Variants in RAE1 observed in about 807,000 individuals in gnomAD.
RAE1 encodes ribonucleic acid export 1, also known as mRNA export factor RAE1.
A neutral mutation model predicts 52.7 loss-of-function variants in RAE1; 13 were observed. That is an observed-to-expected ratio of 0.25 (90% CI 0.16 to 0.39). The LOEUF is 0.39. Ranked by LOEUF, RAE1 falls within the 10% of genes least tolerant of loss-of-function variation. The probability of loss-of-function intolerance (pLI) is 1.00; values close to 1 mark genes in which losing one functional copy is unlikely to be tolerated. For synonymous variants in RAE1, 164 were observed against 153.1 expected, an observed-to-expected ratio of 1.07 and a Z score of -0.52; for missense variants, 262 against 459.8, an observed-to-expected ratio of 0.57 and a Z score of 3.93.
intron 11 of RAE1, 66 bp from the exon 12 acceptor site, chr20:57,377,947 A>G (rs1302577082): frequency 8.1e-7 from 1 of 1,235,588 alleles, no homozygotes; most frequent in Non-Finnish European, 1.2e-6. Flanking sequence ...TCACCTAGAA[A>G]AAGCACCTAC....
chr20:57,360,036 TG>T, intron 4 of RAE1: 1 of 152,374 alleles, frequency 6.6e-6, no homozygotes, highest in Non-Finnish European at 1.5e-5. Context: ...GTAAGCCGGA[TG>T]CTTTGGGTTA....
At chr20:57,354,960 C>A in intron 3 of RAE1, 144 bp downstream of exon 3, 1 of 568,500 alleles carries the variant, frequency 1.8e-6, no homozygotes, top group Non-Finnish European at 2.9e-6. Flanking sequence ...GGGGTGTGAA[C>A]CCTTCTGAAT....
intron 4 of RAE1, among the ~76,000 whole-genome samples, chr20:57,364,238 A>T (rs1307143224): frequency 6.6e-6 from 1 of 152,212 alleles, no homozygotes; most frequent in African/African-American, 2.4e-5. Flanking sequence ...GCATTCACAC[A>T]TACTCTTTCT....
At chr20:57,369,477 G>A (rs2067003872) in intron 8 of RAE1, among the ~76,000 whole-genome samples, 1 of 152,136 alleles carries the variant, frequency 6.6e-6, no homozygotes. Context: ...CATCAATGCC[G>A]ATTTTCTCTG....
rs747578934 is a variant in RAE1, at chr20:57,373,440, G to C, written c.643-35G>C. ...CGTTAGTCATGAAATCTTATATTAT[G>C]CTGTGATTATGTCTCTTTTTTATTT... On this transcript the variant is annotated intron_variant, in intron 8 of 11. Coordinates refer to ENST00000395841, the MANE Select transcript of RAE1 (RefSeq NM_003610.4). The C allele has an allele frequency of 1.9e-6, 3 of 1,578,900 alleles. No homozygotes were observed. In the South Asian group the frequency reaches 3.4e-5, roughly 18 times the overall value.
chr20:57,365,236 A>G, intron 4 of RAE1, 120 bp from the exon 5 acceptor site: 1 of 635,722 alleles, frequency 1.6e-6, no homozygotes, highest in Non-Finnish European at 2.6e-6. Flanking sequence ...GTCCCCAAAC[A>G]ATTGGAAAAA....
At chr20:57,354,437 CTG>C (rs778191193) in intron 2 of RAE1, among the ~76,000 whole-genome samples, 3 of 152,202 alleles carry the variant, frequency 2.0e-5, no homozygotes, top group African/African-American at 4.8e-5. Flanking sequence ...CAGGTGAAAA[CTG>C]TGATCTAGCA....
rs926726597 is a variant in RAE1, at chr20:57,365,495, A to G, written c.375+53A>G. The G allele has an allele frequency of 1.3e-5, 16 of 1,252,070 alleles. No individual in the cohort carries two copies. The African/African-American group carries it at 1.7e-4, about 13-fold the overall frequency. The allele number at this position is 1,252,070 out of a possible 1,614,324, so 77.6% of individuals were successfully genotyped here. On this transcript the variant is annotated intron_variant, in intron 5 of 11. Coordinates refer to ENST00000395841, the MANE Select transcript of RAE1 (RefSeq NM_003610.4). The stretch of plus-strand genomic sequence containing the variant: ...GGCACAACTGGTACCCAGGACTGTG[A>G]TGGCTCTTTAAGTGAAATAATTATT...
Position 57,378,142 on chromosome 20 carries a change from C to G in RAE1, c.*43C>G. 6.7e-7 allele frequency: 1 copy of G among 1,482,234 alleles called. No individual in the cohort carries two copies. The highest frequency in any genetic ancestry group is 9.3e-7 in the Non-Finnish European group (1 of 1,076,664). The allele number at this position is 1,482,234 out of a possible 1,614,324, so 91.8% of individuals were successfully genotyped here. Reference sequence around the variant, plus strand: ...TCAGCCAGAGTTGTTTCTCTCCACTCTGCCTCATCTCTGTACGAATTTGGG... The same window carrying G: ...TCAGCCAGAGTTGTTTCTCTCCACTGTGCCTCATCTCTGTACGAATTTGGG... On this transcript the variant is annotated 3_prime_UTR_variant, in exon 12 of 12. Transcript: ENST00000395841.
chr20:57,358,178 T>C (rs1441785294), intron 4 of RAE1: 3 of 152,192 alleles, frequency 2.0e-5, no homozygotes, highest in Non-Finnish European at 4.4e-5. Context: ...TAGTAGATGT[T>C]AAGGGCCGCG....
chr20:57,355,204 T>C (rs911900), intron 3 of RAE1, among the ~76,000 whole-genome samples: 15,990 of 152,150 alleles, frequency 0.11, 1,816 homozygotes, highest in African/African-American at 0.29. Flanking sequence ...TAGCACAGAT[T>C]TGCCTAGATA....
chr20:57,353,502 G>T (rs1247055450), intron 1 of RAE1, among the ~76,000 whole-genome samples: 1 of 152,230 alleles, frequency 6.6e-6, no homozygotes, highest in Non-Finnish European at 1.5e-5. Flanking sequence ...CTTTTACGAA[G>T]AAATTGCTGA....
intron 4 of RAE1, chr20:57,357,460 A>C (rs569540289): frequency 6.6e-6 from 1 of 152,222 alleles, no homozygotes. Flanking sequence ...AATTAGGACA[A>C]GCATTGAGAT....
At chr20:57,369,020 A>G (rs2066997122) in intron 8 of RAE1, among the ~76,000 whole-genome samples, 1 of 152,234 alleles carries the variant, frequency 6.6e-6, no homozygotes, top group Admixed American at 6.5e-5. Flanking sequence ...GTCTTCTCCA[A>G]ACATGCCCCT....
rs1425804452 is a variant in RAE1 at position 57,378,640 on chromosome 20, CTG to C, written c.*544_*545del. 2.0e-5 allele frequency: 3 copies of C among 152,384 alleles called. No individual in the cohort carries two copies. Among genetic ancestry groups the C allele is most frequent in the African/African-American group, 7.2e-5 (3 of 41,468 alleles). 9.4% of individuals were successfully genotyped at this position (152,384 alleles called of 1,614,324 possible). On this transcript the variant is annotated 3_prime_UTR_variant, in exon 12 of 12. Coordinates refer to ENST00000395841, the MANE Select transcript of RAE1 (RefSeq NM_003610.4). Reference sequence around the variant, plus strand: ...CTTCTGCTGCGCGGAACGGCAGCCTCTGTGAGCCCTGGTGGGCAGAGTTTGAA... The same window carrying C: ...CTTCTGCTGCGCGGAACGGCAGCCTCTGAGCCCTGGTGGGCAGAGTTTGAA...
chr20:57,354,252 T>G (rs529449703), intron 2 of RAE1, 124 bp downstream of exon 2: 17 of 776,736 alleles, frequency 2.2e-5, no homozygotes, highest in East Asian at 1.1e-4. Flanking sequence ...TTTGTCTAAC[T>G]CATGTTTCTG....
chr20:57,368,944 A>C, intron 8 of RAE1, 132 bp downstream of exon 8: 1 of 699,348 alleles, frequency 1.4e-6, no homozygotes, highest in Non-Finnish European at 2.5e-6. Context: ...TGAAGGATAT[A>C]AACACAAATA....
chr20:57,358,990 T>C lies in RAE1; in HGVS notation c.288+2452T>C, dbSNP rs1207004250. On this transcript the variant is annotated intron_variant, in intron 4 of 11. Coordinates refer to ENST00000395841, the MANE Select transcript of RAE1 (RefSeq NM_003610.4). ...TTATATCCGCCTCTTCACGGATAGA[T>C]CAATTTCACTGGTTGAAAGTAAGAG... 2.0e-6 allele frequency: 3 copies of C among 1,509,954 alleles called. No individual in the cohort carries two copies. The highest frequency in any genetic ancestry group is 2.3e-4 in the Middle Eastern group (1 of 4,280). The allele number at this position is 1,509,954 out of a possible 1,614,324, so 93.5% of individuals were successfully genotyped here.
Position 57,356,536 on chromosome 20 carries a change from G to A in RAE1, c.286G>A (p.Asp96Asn), listed in dbSNP as rs1310982574. Residue 96 changes from aspartate to asparagine, a missense_variant and splice_region_variant, in exon 4 of 12, where the codon GAC (aspartate) becomes AAC (asparagine). Transcript: ENST00000395841. ...GCCTGTGCTTGATGTCTGCTGGAGT[G>A]ACGTACGTTCCCTTCCATTTCTCGT... ...TGPVLDVCWS[D>N]DGSKVFTASC... is the part of the protein sequence containing the mutation. 1 of 1,609,316 alleles carries A rather than the reference G, an allele frequency of 6.2e-7. No homozygotes were observed. Among genetic ancestry groups the A allele is most frequent in the African/African-American group, 1.3e-5 (1 of 74,856 alleles).
Sources: allele counts gnomAD v4.1 joint callset (sites outside exome capture counted in the v4.1 genomes callset), GRCh38; gene constraint gnomAD v4.1.1; transcripts MANE v1.5; gene names NCBI Gene and HGNC (gene_info 2026-07-23, HGNC 2026-07-21).